NELL1: variants seen among roughly 807,000 people sequenced by gnomAD.
NELL1 encodes the protein neural EGFL like 1.
Under a neutral mutation model 107.4 loss-of-function variants are expected in NELL1, and 76 were observed. That is an observed-to-expected ratio of 0.71 (90% CI 0.59 to 0.86). The LOEUF (loss-of-function observed/expected upper bound fraction) is 0.86, where lower values mean the gene tolerates loss of function less well. Ranked by LOEUF, NELL1 falls within the 40% of genes least tolerant of loss-of-function variation. The pLI is 0.00. For synonymous variants in NELL1, 353 were observed against 341.2 expected, an observed-to-expected ratio of 1.03 and a Z score of -0.38; for missense variants, 1,024 against 1,005.5, an observed-to-expected ratio of 1.02 and a Z score of -0.25.
intron 15 of NELL1, among the ~76,000 whole-genome samples, chr11:21,531,781 G>A (rs1211909628): frequency 6.6e-6 from 1 of 152,106 alleles, no homozygotes; most frequent in Non-Finnish European, 1.5e-5. Context: ...AGTGCTGACT[G>A]GGAGAAACAA....
intron 2 of NELL1, among the ~76,000 whole-genome samples, chr11:20,708,383 G>T (rs2680986): frequency 6.6e-6 from 1 of 152,046 alleles, no homozygotes; most frequent in Non-Finnish European, 1.5e-5. Flanking sequence ...ACTGGGTACC[G>T]CAGTTGGAAA....
At chr11:21,458,760 C>T (rs1454555461) in intron 15 of NELL1, among the ~76,000 whole-genome samples, 3 of 152,014 alleles carry the variant, frequency 2.0e-5, no homozygotes, top group Non-Finnish European at 4.4e-5. Flanking sequence ...CTACAGTGAT[C>T]GAAGGGTTAG....
At chr11:21,269,579 G>T (rs1162852888) in intron 14 of NELL1, among the ~76,000 whole-genome samples, 1 of 152,044 alleles carries the variant, frequency 6.6e-6, no homozygotes, top group Non-Finnish European at 1.5e-5. Context: ...TTAGAATGCT[G>T]CACCCAGTGA....
intron 2 of NELL1, among the ~76,000 whole-genome samples, chr11:20,765,544 A>C (rs190444203): frequency 3.7e-4 from 57 of 152,324 alleles, no homozygotes; most frequent in African/African-American, 1.0e-3. Context: ...ATGACGTTTC[A>C]GCTGAAGCCT....
In NELL1 at chr11:20,833,006, C is replaced by A. The variant is rs562604711; in HGVS notation, c.336-14577C>A. On this transcript the variant is annotated intron_variant, in intron 3 of 19. Coordinates refer to ENST00000357134, the MANE Select transcript of NELL1 (RefSeq NM_006157.5). ...TGAACGCTCTGCTAATGATGTCAGC[C>A]TTCCCAGTGACTCTTATGGGTAGTG... Among the ~76,000 whole-genome samples, 289 of 152,276 alleles carry A rather than the reference C, an allele frequency of 1.9e-3. 1 individual carries two copies. The highest frequency in any genetic ancestry group is 6.7e-3 in the African/African-American group (280 of 41,554).
chr11:20,909,353 G>T (rs1017705413), intron 5 of NELL1, among the ~76,000 whole-genome samples: 1 of 152,102 alleles, frequency 6.6e-6, no homozygotes, highest in Non-Finnish European at 1.5e-5. Flanking sequence ...CAGGTAGCTT[G>T]GTCCTATTTC....
At chr11:20,751,129 C>T (rs918988554) in intron 2 of NELL1, among the ~76,000 whole-genome samples, 1 of 151,598 alleles carries the variant, frequency 6.6e-6, no homozygotes. Context: ...GCTATTACTG[C>T]AGTTTTATGG....
In NELL1 at chr11:21,548,002, A is replaced by T. The variant is rs187249412; in HGVS notation, c.1787-12187A>T. Among the ~76,000 whole-genome samples the T allele has an allele frequency of 4.6e-3, 692 of 152,026 alleles. 2 individuals are homozygous for T. Among genetic ancestry groups the T allele is most frequent in the Admixed American group, 7.4e-3 (113 of 15,228 alleles). On this transcript the variant is annotated intron_variant, in intron 16 of 19. Transcript: ENST00000357134. The stretch of plus-strand genomic sequence containing the variant: ...TTCCTAAATATACAATCATGGCGCA[A>T]CTGAAACTGGATCATTTTCCTGCTA...
rs1280575058 is a variant in NELL1 at position 20,921,788 on chromosome 11, T to C, written c.759+2454T>C. Among the ~76,000 whole-genome samples the C allele has an allele frequency of 3.1e-5, 4 of 128,016 alleles. No individual in the cohort carries two copies. The Admixed American group carries it at 3.9e-4, about 13-fold the overall frequency. The allele number at this position is 128,016 out of a possible 152,430, so 84.0% of individuals were successfully genotyped here. ...TATGGCAAGAGCAAGGTCTCTTTTT[T>C]ATTGTGTGTGTTTTTTTTTTTTTTT... On this transcript the variant is annotated intron_variant, in intron 7 of 19. Coordinates refer to ENST00000357134, the MANE Select transcript of NELL1 (RefSeq NM_006157.5).
chr11:20,900,836 A>G (rs949055634), intron 5 of NELL1, among the ~76,000 whole-genome samples: 1 of 152,074 alleles, frequency 6.6e-6, no homozygotes, highest in Non-Finnish European at 1.5e-5. Context: ...TCTTCAGAAA[A>G]TTTCTTAATG....
intron 14 of NELL1, among the ~76,000 whole-genome samples, chr11:21,254,609 T>A (rs1365205686): frequency 2.0e-5 from 3 of 152,118 alleles, no homozygotes; most frequent in Admixed American, 6.6e-5. Context: ...AAATTCGTGT[T>A]TGTCTACCAG....
intron 15 of NELL1, among the ~76,000 whole-genome samples, chr11:21,397,856 G>T (rs186117613): frequency 8.3e-4 from 125 of 151,396 alleles, no homozygotes; most frequent in African/African-American, 2.8e-3. Flanking sequence ...GAGGCCCAAG[G>T]GAGACTTCTT....
chr11:21,319,581 A>G (rs947755251), intron 14 of NELL1, among the ~76,000 whole-genome samples: 2 of 150,836 alleles, frequency 1.3e-5, no homozygotes, highest in Non-Finnish European at 2.9e-5. Flanking sequence ...GACTCAAGTG[A>G]TCTGCCCGCC....
chr11:21,360,784 A>G (rs889661306), intron 14 of NELL1, among the ~76,000 whole-genome samples: 4 of 151,922 alleles, frequency 2.6e-5, no homozygotes, highest in Admixed American at 6.6e-5. Context: ...AATAATAGCT[A>G]CTCCTGCTCA....
intron 13 of NELL1, among the ~76,000 whole-genome samples, chr11:21,190,449 G>A (rs1004445491): frequency 1.3e-5 from 2 of 151,822 alleles, no homozygotes; most frequent in South Asian, 2.1e-4. Flanking sequence ...TCCAGACACT[G>A]GTGTCCCCTC....
chr11:20,786,602 G>A (rs1856964149), intron 3 of NELL1, among the ~76,000 whole-genome samples: 2 of 151,992 alleles, frequency 1.3e-5, no homozygotes, highest in Admixed American at 1.3e-4. Flanking sequence ...TGGGTCTACA[G>A]CAAGACCCAT....
chr11:20,757,214 C>G (rs1442674286), intron 2 of NELL1, among the ~76,000 whole-genome samples: 2 of 150,902 alleles, frequency 1.3e-5, no homozygotes, highest in Non-Finnish European at 2.9e-5. Context: ...TATATATGTA[C>G]CATTCAGTGA....
At chr11:21,200,568 T>A (rs150975276) in intron 13 of NELL1, among the ~76,000 whole-genome samples, 9,247 of 152,258 alleles carry the variant, frequency 0.061, 288 homozygotes, top group East Asian at 0.14. Context: ...AAAAATTTTC[T>A]CCCATTCTGT....
intron 2 of NELL1, among the ~76,000 whole-genome samples, chr11:20,691,923 TTTGG>T (rs1291062271): frequency 6.6e-6 from 1 of 152,142 alleles, no homozygotes; most frequent in Non-Finnish European, 1.5e-5. Flanking sequence ...CTGGACTCTT[TTTGG>T]TTGGTAAGGT....
Sources: gnomAD v4.1 joint callset for allele counts (sites outside exome capture counted in the v4.1 genomes callset) on GRCh38, gnomAD v4.1.1 for gene constraint, MANE v1.5 for transcripts, NCBI Gene and HGNC (gene_info 2026-07-23, HGNC 2026-07-21) for gene names.